Variants in ZNF678 observed in about 807,000 individuals in gnomAD.
ZNF678 encodes hypothetical protein MGC42493.
Under a neutral mutation model 3.0 loss-of-function variants are expected in ZNF678, and 5 were observed. The observed-to-expected ratio is 1.69, with a 90% CI of 0.88 to 3.56. The LOEUF is 3.56. Among genes scored for constraint, ZNF678 ranks in the 30% most tolerant of loss-of-function variants. The pLI is 0.00. For missense variants in ZNF678, 593 were observed against 605.0 expected (o/e 0.98, Z 0.21); for synonymous variants, 218 against 199.6 (o/e 1.09, Z -0.78).
chr1:227,582,171 A>ACACG (rs1192651503), intron 1 of ZNF678, among the ~76,000 whole-genome samples: 2 of 142,568 alleles, frequency 1.4e-5, no homozygotes, highest in Non-Finnish European at 3.1e-5. Flanking sequence ...AGATATATAC[A>ACACG]CACGCACACA....
chr1:227,597,720 T>C (rs1477986878), intron 1 of ZNF678, among the ~76,000 whole-genome samples: 2 of 152,142 alleles, frequency 1.3e-5, no homozygotes, highest in African/African-American at 4.8e-5. Flanking sequence ...GACAACAGGC[T>C]GAATAAATAG....
At chr1:227,579,081 T>C (rs890787835) in intron 1 of ZNF678, among the ~76,000 whole-genome samples, 1 of 152,118 alleles carries the variant, frequency 6.6e-6, no homozygotes, top group Admixed American at 6.5e-5. Context: ...CCTTGTTTGT[T>C]TTCTGGCTCC....
intron 1 of ZNF678, among the ~76,000 whole-genome samples, chr1:227,590,169 G>A (rs1168990319): frequency 3.3e-5 from 5 of 151,654 alleles, no homozygotes; most frequent in Admixed American, 2.0e-4. Flanking sequence ...CTAGCACTGG[G>A]AACCATTTTT....
intron 1 of ZNF678, among the ~76,000 whole-genome samples, chr1:227,586,779 C>T (rs1391153172): frequency 6.6e-6 from 1 of 152,154 alleles, no homozygotes; most frequent in Non-Finnish European, 1.5e-5. Flanking sequence ...TCAGTTTTAC[C>T]AGTGCCAGGC....
intron 5 of ZNF678, among the ~76,000 whole-genome samples, chr1:227,670,069 A>C (rs182740352): frequency 6.6e-6 from 1 of 152,350 alleles, no homozygotes; most frequent in African/African-American, 2.4e-5. Flanking sequence ...GCTGGAAGCC[A>C]TAATCTAAAG....
At chr1:227,666,709 G>A (rs1005232089), downstream of ZNF678, among the ~76,000 whole-genome samples, 33 of 149,506 alleles carry the variant, frequency 2.2e-4, no homozygotes, top group African/African-American at 7.2e-4. Context: ...AAGGGTCCAC[G>A]CTCTCTCCTT....
chr1:227,573,477 A>G (rs1051855299), intron 1 of ZNF678, among the ~76,000 whole-genome samples: 3 of 152,248 alleles, frequency 2.0e-5, no homozygotes, highest in African/African-American at 7.2e-5. Flanking sequence ...GTTAATAAAA[A>G]TATGAATTTA....
chr1:227,670,766 C>CT (rs952350463), intron 5 of ZNF678, among the ~76,000 whole-genome samples: 135 of 152,326 alleles, frequency 8.9e-4, no homozygotes, highest in African/African-American at 3.1e-3. Context: ...CTGCCCTAGT[C>CT]TTTCAGGTTC....
chr1:227,599,466 C>T (rs1347535738), intron 1 of ZNF678, among the ~76,000 whole-genome samples: 1 of 152,100 alleles, frequency 6.6e-6, no homozygotes, highest in African/African-American at 2.4e-5. Flanking sequence ...CAACAGATAT[C>T]TAAATTCAGA....
intron 1 of ZNF678, among the ~76,000 whole-genome samples, chr1:227,626,040 C>A (rs990819728): frequency 6.6e-5 from 10 of 152,126 alleles, no homozygotes; most frequent in African/African-American, 2.4e-4. Flanking sequence ...TGGGAAGCTG[C>A]ATTCTCCCTA....
At chr1:227,596,150 C>T (rs1657580972) in intron 1 of ZNF678, among the ~76,000 whole-genome samples, 1 of 152,178 alleles carries the variant, frequency 6.6e-6, no homozygotes, top group African/African-American at 2.4e-5. Flanking sequence ...TCAGGATCTG[C>T]GTTGCTTGGG....
chr1:227,642,755 G>C (rs1658853777), intron 1 of ZNF678, among the ~76,000 whole-genome samples: 1 of 151,694 alleles, frequency 6.6e-6, no homozygotes, highest in African/African-American at 2.4e-5. Flanking sequence ...GTTGTATTCT[G>C]CTTTCATCTC....
At chr1:227,664,426 C>T (rs140649961), downstream of ZNF678, among the ~76,000 whole-genome samples, 104 of 152,218 alleles carry the variant, frequency 6.8e-4, 2 homozygotes, top group African/African-American at 2.0e-3. Flanking sequence ...CCCCAACACA[C>T]GGTGTCAGAA....
rs1359173390 is a variant in ZNF678, at chr1:227,638,889, T to C, written c.-163-7655T>C. Reference sequence around the variant, plus strand: ...GAGGACTGGGTGGGTCCTGAAAAATTAGGTAAAGCAGAGTAGCTTGCCTGG... The same window carrying C: ...GAGGACTGGGTGGGTCCTGAAAAATCAGGTAAAGCAGAGTAGCTTGCCTGG... On this transcript the variant is annotated intron_variant, in intron 1 of 3. Coordinates refer to ENST00000343776, the MANE Select transcript of ZNF678 (RefSeq NM_001367909.1). This position sits in a 1 kb window ranked among gnomAD's most constrained non-coding sequence, Gnocchi z 4.2. Among the ~76,000 whole-genome samples, 2 of 151,978 alleles carry C rather than the reference T, an allele frequency of 1.3e-5. No individual in the cohort carries two copies. The highest frequency in any genetic ancestry group is 2.9e-5 in the Non-Finnish European group (2 of 67,992).
At chr1:227,607,988 G>A (rs1377979331) in intron 1 of ZNF678, among the ~76,000 whole-genome samples, 2 of 151,552 alleles carry the variant, frequency 1.3e-5, no homozygotes, top group African/African-American at 4.8e-5. Context: ...TGATTAGTTA[G>A]AAAGATAGAC....
intron 5 of ZNF678, among the ~76,000 whole-genome samples, chr1:227,672,107 A>G (rs780123788): frequency 2.6e-5 from 4 of 152,214 alleles, no homozygotes; most frequent in Non-Finnish European, 5.9e-5. Context: ...GACATTGGAA[A>G]GGTAGATTGA....
At chr1:227,564,944 C>T (rs568333303) in intron 1 of ZNF678, among the ~76,000 whole-genome samples, 23 of 151,714 alleles carry the variant, frequency 1.5e-4, no homozygotes, top group African/African-American at 5.6e-4. Context: ...CCATGTTGGT[C>T]AGGCTGGTCT....
rs1659219132 is a variant in ZNF678 at position 227,655,533 on chromosome 1, C to T, written c.1283C>T (p.Thr428Ile). 1 of 1,612,526 alleles carries T rather than the reference C, an allele frequency of 6.2e-7. No homozygotes were observed. The highest frequency in any genetic ancestry group is 1.7e-5 in the Admixed American group (1 of 59,860). ...CTAACTAGCCATAAGAGAATTCATA[C>T]TGGAGAGAAACCCTACAAATGTAAA... ...SHLTSHKRIHTGEKPYKCKEC... is the reference protein window; with the variant it reads ...SHLTSHKRIHIGEKPYKCKEC... Residue 428 changes from threonine (T) to isoleucine (I), a missense_variant, in exon 4 of 4, where the codon ACT becomes ATT. Thr to Ile is a moderately conservative substitution (Grantham distance 89). Coordinates refer to ENST00000343776, the MANE Select transcript of ZNF678 (RefSeq NM_001367909.1).
intron 1 of ZNF678, among the ~76,000 whole-genome samples, chr1:227,594,364 A>G (rs981414374): frequency 1.3e-5 from 2 of 152,194 alleles, no homozygotes; most frequent in African/African-American, 4.8e-5. Flanking sequence ...TTTGACCATA[A>G]GGTAAGATTT....
Sources: gnomAD v4.1 joint callset for allele counts (sites outside exome capture counted in the v4.1 genomes callset) on GRCh38, gnomAD v4.1.1 for gene constraint, Gnocchi (gnomAD v3.1) non-coding constraint, MANE v1.5 for transcripts, NCBI Gene and HGNC (gene_info 2026-07-23, HGNC 2026-07-21) for gene names.